The following TMPRSS2 variants were observed in gnomAD, a reference collection of about 807,000 sequenced individuals.
The protein encoded by TMPRSS2 is transmembrane protease serine 2.
TMPRSS2 carries 59 observed loss-of-function variants against 67.4 expected under a neutral mutation model. The observed-to-expected ratio is 0.88, with a 90% CI of 0.71 to 1.09. The LOEUF (loss-of-function observed/expected upper bound fraction) is 1.09. Among genes scored for constraint, TMPRSS2 ranks in the 50% least tolerant of loss-of-function variants. The pLI is 0.00. For synonymous variants in TMPRSS2, 257 were observed against 257.0 expected, an observed-to-expected ratio of 1.00 and a Z score of 0.00; for missense variants, 668 against 642.7, an observed-to-expected ratio of 1.04 and a Z score of -0.43.
chr21:41,505,794 A>C (rs750434147), intron 1 of TMPRSS2, among the ~76,000 whole-genome samples: 2 of 152,192 alleles, frequency 1.3e-5, no homozygotes, highest in Non-Finnish European at 2.9e-5. Context: ...AACCCAGGGA[A>C]GGATCAAAAG....
intron 2 of TMPRSS2, among the ~76,000 whole-genome samples, chr21:41,494,979 G>C (rs1174401636): frequency 6.6e-6 from 1 of 151,564 alleles, no homozygotes; most frequent in Admixed American, 6.6e-5. Context: ...TGAGGCAGGA[G>C]AATGGCTTGA....
Position 41,508,105 on chromosome 21 carries a change from C to A in TMPRSS2, c.-81G>T. 1 of 1,169,446 alleles carries A rather than the reference C, an allele frequency of 8.6e-7. No individual in the cohort carries two copies. The highest frequency in any genetic ancestry group is 2.5e-5 in the South Asian group (1 of 40,228). 72.4% of individuals were successfully genotyped at this position (1,169,446 alleles called of 1,614,324 possible). A position where few individuals can be genotyped will look rare whatever the true frequency, so the allele number is the denominator to read the frequency against. ...CCTGCCGCGCTCCAGGCGGCGCTCC[C>A]CGCCCCTCGCCCTCCGCCTCCGCCT... On this transcript the variant is annotated 5_prime_UTR_variant, in exon 1 of 14. Transcript: ENST00000332149.
chr21:41,499,103 G>A (rs755248403), intron 1 of TMPRSS2, among the ~76,000 whole-genome samples: 4 of 152,026 alleles, frequency 2.6e-5, no homozygotes, highest in East Asian at 1.9e-4. Flanking sequence ...AGATACATAC[G>A]CTTAAAATAA....
Position 41,473,393 on chromosome 21 carries a change from G to A in TMPRSS2, c.831C>T (p.Asn277=), listed in dbSNP as rs532756922. 34 of 1,610,166 alleles carry A rather than the reference G, an allele frequency of 2.1e-5. No individual in the cohort carries two copies. The highest frequency in any genetic ancestry group is 5.3e-5 in the African/African-American group (4 of 75,020). The change falls in exon 9 of 14, where the codon AAC becomes AAT. Residue 277 remains asparagine, a synonymous_variant. Coordinates refer to ENST00000332149, the MANE Select transcript of TMPRSS2 (RefSeq NM_005656.4). The stretch of plus-strand genomic sequence containing the variant: ...TGATGGAGCCTCCGCACACGTGGAC[G>A]TTCTGGACGTGCAGGCTGACCTGCC... The part of the protein sequence containing the change: ...WPWQVSLHVQ[N]VHVCGGSIIT...
intron 7 of TMPRSS2, among the ~76,000 whole-genome samples, chr21:41,477,659 C>G (rs1169968082): frequency 2.0e-5 from 3 of 152,118 alleles, no homozygotes; most frequent in Non-Finnish European, 4.4e-5. Context: ...AGGTGCATTC[C>G]AGGTGGACTC....
chr21:41,501,899 C>T (rs904060019), intron 1 of TMPRSS2, among the ~76,000 whole-genome samples: 1 of 152,174 alleles, frequency 6.6e-6, no homozygotes, highest in Non-Finnish European at 1.5e-5. Flanking sequence ...TTTAAAGGAC[C>T]GGGATGATGG....
intron 7 of TMPRSS2, among the ~76,000 whole-genome samples, chr21:41,477,567 T>G (rs1252601856): frequency 6.6e-6 from 1 of 152,074 alleles, no homozygotes; most frequent in East Asian, 1.9e-4. Flanking sequence ...CAAACCACCT[T>G]GCAGGAGCCC....
chr21:41,503,031 C>A (rs1269714711), intron 1 of TMPRSS2, among the ~76,000 whole-genome samples: 1 of 152,100 alleles, frequency 6.6e-6, no homozygotes, highest in Non-Finnish European at 1.5e-5. Context: ...TTGAGGGATA[C>A]AAGATCAATA....
chr21:41,507,942 G>T (rs776595833), intron 1 of TMPRSS2, 139 bp downstream of exon 1: 2 of 1,486,328 alleles, frequency 1.3e-6, no homozygotes, highest in South Asian at 2.5e-5. Flanking sequence ...ACCCTCGGGC[G>T]CACTCACCTG....
rs779747085 is a variant in TMPRSS2 at position 41,498,166 on chromosome 21, G to A, written c.-33C>T. ...TTATCAACAGCATCGAGTAATGATA[G>A]GTATCTGGAATGTTCAATATGACCT... On this transcript the variant is annotated 5_prime_UTR_variant, in exon 2 of 14. Transcript: ENST00000332149. 19 of 1,612,464 alleles carry A rather than the reference G, an allele frequency of 1.2e-5. No homozygotes were observed. Among genetic ancestry groups the A allele is most frequent in the Non-Finnish European group, 1.5e-5 (18 of 1,178,900 alleles).
rs1387755535 is a variant in TMPRSS2 at position 41,494,398 on chromosome 21, A to G, written c.196T>C (p.Cys66Arg). The part of the protein sequence containing the change: ...VLTQASNPVV[C>R]TQPKSPSGTV... ...CCGGATGGGGATTTGGGCTGCGTGC[A>G]GACGACGGGGTTGGAAGCCTGCGTC... The change falls in exon 3 of 14, where the codon TGC becomes CGC. Residue 66 changes from cysteine (C) to arginine (R), a missense_variant. Coordinates refer to ENST00000332149, the MANE Select transcript of TMPRSS2 (RefSeq NM_005656.4). The G allele has an allele frequency of 6.2e-7, 1 of 1,610,786 alleles. No individual in the cohort carries two copies. Among genetic ancestry groups the G allele is most frequent in the Non-Finnish European group, 8.5e-7 (1 of 1,179,182 alleles).
intron 1 of TMPRSS2, 174 bp downstream of exon 1, chr21:41,507,907 C>A (rs1471440682): frequency 2.0e-6 from 3 of 1,493,558 alleles, no homozygotes; most frequent in Non-Finnish European, 8.9e-7. Flanking sequence ...CGGGAGGCGC[C>A]CTGCCCGGCT....
At chr21:41,468,586 C>G in intron 11 of TMPRSS2, 48 bp from the exon 12 acceptor site, 1 of 1,605,716 alleles carries the variant, frequency 6.2e-7, no homozygotes, top group Non-Finnish European at 8.5e-7. Context: ...CTGCAGCTCT[C>G]GCAGGGAGAG....
At chr21:41,504,651 C>A (rs1265272571) in intron 1 of TMPRSS2, among the ~76,000 whole-genome samples, 1 of 152,198 alleles carries the variant, frequency 6.6e-6, no homozygotes, top group African/African-American at 2.4e-5. Flanking sequence ...ACAGATCCCC[C>A]TTTTGCTCCT....
At chr21:41,491,565 C>CT (rs1167150685) in intron 3 of TMPRSS2, among the ~76,000 whole-genome samples, 2 of 152,210 alleles carry the variant, frequency 1.3e-5, no homozygotes, top group Admixed American at 1.3e-4. Context: ...TGGAGGCAAG[C>CT]TGGGGCCAAG....
intron 1 of TMPRSS2, 152 bp downstream of exon 1, chr21:41,507,929 T>C (rs2146520857): frequency 6.7e-7 from 1 of 1,491,858 alleles, no homozygotes; most frequent in Non-Finnish European, 8.9e-7. Context: ...GCCCCAGCGC[T>C]CGACCCTCGG....
chr21:41,467,571 G>A (rs1333700233), intron 13 of TMPRSS2, among the ~76,000 whole-genome samples, 163 bp downstream of exon 13: 1 of 152,146 alleles, frequency 6.6e-6, no homozygotes, highest in Non-Finnish European at 1.5e-5. Flanking sequence ...TGGGCAATGG[G>A]TGGACACTGG....
intron 6 of TMPRSS2, 133 bp from the exon 7 acceptor site, chr21:41,479,415 C>T (rs1482072970): frequency 3.0e-6 from 2 of 662,174 alleles, no homozygotes; most frequent in Non-Finnish European, 5.1e-6. Flanking sequence ...AAAAAAATCA[C>T]ACGTTCTAAC....
At chr21:41,496,608 C>T (rs1264201560) in intron 2 of TMPRSS2, among the ~76,000 whole-genome samples, 1 of 150,622 alleles carries the variant, frequency 6.6e-6, no homozygotes, top group Non-Finnish European at 1.5e-5. Context: ...CCTTCCTCAG[C>T]CTACTTAAAA....
Sources: gnomAD v4.1 joint callset for allele counts (sites outside exome capture counted in the v4.1 genomes callset) on GRCh38, gnomAD v4.1.1 for gene constraint, MANE v1.5 for transcripts, NCBI Gene and HGNC (gene_info 2026-07-23, HGNC 2026-07-21) for gene names.